Variants in NAA60 observed in about 807,000 individuals in gnomAD.
NAA60 encodes N-alpha-acetyltransferase 60, NatF catalytic subunit, also known as N-alpha-acetyltransferase 60.
Under a neutral mutation model 26.1 loss-of-function variants are expected in NAA60, and 8 were observed. The observed-to-expected ratio is 0.31, with a 90% CI of 0.18 to 0.55. The LOEUF (loss-of-function observed/expected upper bound fraction) is 0.55, where lower values mean the gene tolerates loss of function less well. Among genes scored for constraint, NAA60 ranks in the 20% least tolerant of loss-of-function variants. The pLI is 0.93. For missense variants in NAA60, 290 were observed against 311.3 expected, an observed-to-expected ratio of 0.93 and a Z score of 0.51; for synonymous variants, 131 against 122.5, an observed-to-expected ratio of 1.07 and a Z score of -0.46.
intron 3 of NAA60, among the ~76,000 whole-genome samples, chr16:3,478,026 C>T (rs2151008711): frequency 6.6e-6 from 1 of 151,160 alleles, no homozygotes; most frequent in East Asian, 1.9e-4. Flanking sequence ...GATTGTGGCA[C>T]TGCACCCCAA....
At chr16:3,454,678 A>G (rs927230692) in intron 2 of NAA60, among the ~76,000 whole-genome samples, 4 of 152,334 alleles carry the variant, frequency 2.6e-5, no homozygotes, top group African/African-American at 9.6e-5. Flanking sequence ...TGGAGGACCA[A>G]TCAGCCCTGA....
intron 1 of NAA60, among the ~76,000 whole-genome samples, chr16:3,445,609 T>C (rs572891898): frequency 6.6e-6 from 1 of 152,172 alleles, no homozygotes; most frequent in East Asian, 1.9e-4. Flanking sequence ...CACTGTCTCA[T>C]TGTGGTCTGA....
At chr16:3,482,631 A>G in intron 5 of NAA60, 33 bp downstream of exon 5, 1 of 1,304,768 alleles carries the variant, frequency 7.7e-7, no homozygotes. Flanking sequence ...CTTGGCGCCC[A>G]CCCCACCCCC....
intron 4 of NAA60, among the ~76,000 whole-genome samples, chr16:3,481,327 T>C (rs992349883): frequency 1.3e-5 from 2 of 152,152 alleles, no homozygotes; most frequent in Admixed American, 6.5e-5. Context: ...TGGCCTCAAG[T>C]GATCCGCCTG....
At chr16:3,478,614 T>A (rs2036629448) in intron 3 of NAA60, among the ~76,000 whole-genome samples, 1 of 152,222 alleles carries the variant, frequency 6.6e-6, no homozygotes, top group East Asian at 1.9e-4. Flanking sequence ...TTTTTTTGCC[T>A]GCTCCGCTCA....
intron 2 of NAA60, chr16:3,458,254 G>C: frequency 1.1e-6 from 1 of 921,488 alleles, no homozygotes; most frequent in Non-Finnish European, 1.3e-6. Flanking sequence ...TAGGCGGGGA[G>C]GCCGCGCCGG....
At chr16:3,482,330 C>T (rs2036888878) in intron 4 of NAA60, among the ~76,000 whole-genome samples, 172 bp from the exon 5 acceptor site, 1 of 152,204 alleles carries the variant, frequency 6.6e-6, no homozygotes, top group Non-Finnish European at 1.5e-5. Flanking sequence ...TAAACGCTCT[C>T]ATTTCCTTGG....
chr16:3,461,063 T>C (rs2035360371), intron 2 of NAA60, among the ~76,000 whole-genome samples: 1 of 151,752 alleles, frequency 6.6e-6, no homozygotes. Context: ...TTTGCCAGGC[T>C]CTATATCATT....
At chr16:3,461,991 G>A (rs953443216) in intron 2 of NAA60, among the ~76,000 whole-genome samples, 1 of 151,554 alleles carries the variant, frequency 6.6e-6, no homozygotes, top group Non-Finnish European at 1.5e-5. Flanking sequence ...GGAAACTGAG[G>A]TGGGAGGATG....
At chr16:3,470,899 TG>T (rs1167591346) in intron 2 of NAA60, among the ~76,000 whole-genome samples, 7 of 152,226 alleles carry the variant, frequency 4.6e-5, no homozygotes, top group African/African-American at 1.7e-4. Flanking sequence ...GCCCCTCAGT[TG>T]GGCTGAGACA....
chr16:3,462,380 TC>T (rs2035467817), intron 2 of NAA60, among the ~76,000 whole-genome samples: 1 of 152,192 alleles, frequency 6.6e-6, no homozygotes, highest in Admixed American at 6.5e-5. Context: ...TCATGGGTGT[TC>T]TATTGAATGC....
intron 1 of NAA60, among the ~76,000 whole-genome samples, chr16:3,448,228 T>C (rs1191140385): frequency 6.7e-6 from 1 of 148,382 alleles, no homozygotes; most frequent in Admixed American, 6.9e-5. Context: ...GAGCTAGCAT[T>C]GTGCCACTGC....
chr16:3,477,663 G>A (rs978808182), intron 3 of NAA60, among the ~76,000 whole-genome samples: 5 of 150,966 alleles, frequency 3.3e-5, no homozygotes, highest in East Asian at 4.0e-4. Context: ...TGGGCCGGGC[G>A]CAGTGGCTCA....
intron 2 of NAA60, among the ~76,000 whole-genome samples, chr16:3,470,942 C>T (rs746562948): frequency 2.0e-5 from 3 of 151,962 alleles, no homozygotes; most frequent in Non-Finnish European, 4.4e-5. Context: ...CTGCATTTGG[C>T]CCTGACTTAG....
intron 2 of NAA60, among the ~76,000 whole-genome samples, chr16:3,473,058 C>T (rs796673836): frequency 5.3e-5 from 8 of 152,046 alleles, no homozygotes; most frequent in African/African-American, 1.9e-4. Flanking sequence ...GTTTTTGAGT[C>T]AGAATCTCAC....
intron 2 of NAA60, among the ~76,000 whole-genome samples, chr16:3,465,614 G>C (rs930484260): frequency 6.6e-6 from 1 of 152,166 alleles, no homozygotes; most frequent in Non-Finnish European, 1.5e-5. Context: ...TGCGTGTCTT[G>C]GGTGCAGTTT....
intron 4 of NAA60, 138 bp downstream of exon 4, chr16:3,479,738 A>T: frequency 1.1e-6 from 1 of 938,574 alleles, no homozygotes; most frequent in African/African-American, 1.7e-5. Context: ...GTGGCCAACG[A>T]CACTTGTCCC....
chr16:3,472,621 G>A (rs568671506), intron 2 of NAA60, among the ~76,000 whole-genome samples: 1 of 152,236 alleles, frequency 6.6e-6, no homozygotes, highest in Non-Finnish European at 1.5e-5. Flanking sequence ...TTTTAGTAGA[G>A]ACAGGGTTTC....
intron 1 of NAA60, among the ~76,000 whole-genome samples, chr16:3,447,928 G>A (rs900656340): frequency 6.6e-6 from 1 of 152,140 alleles, no homozygotes; most frequent in African/African-American, 2.4e-5. Flanking sequence ...CCAAAAACTG[G>A]CTTGGTCTGT....
Sources: gnomAD v4.1 joint callset for allele counts (sites outside exome capture counted in the v4.1 genomes callset) on GRCh38, gnomAD v4.1.1 for gene constraint, MANE v1.5 for transcripts, NCBI Gene and HGNC (gene_info 2026-07-23, HGNC 2026-07-21) for gene names.